The following MFSD11 variants were observed in gnomAD, a reference collection of about 807,000 sequenced individuals.
MFSD11 encodes major facilitator superfamily domain containing 11.
In MFSD11, 36 loss-of-function variants were observed where a neutral mutation model predicts 53.5. That is an observed-to-expected ratio of 0.67 (90% CI 0.52 to 0.89). The LOEUF (loss-of-function observed/expected upper bound fraction) is 0.89, where lower values mean the gene tolerates loss of function less well. MFSD11 is among the 40% of genes least tolerant of loss of function. The probability of loss-of-function intolerance (pLI) is 0.00; values close to 1 mark genes in which losing one functional copy is unlikely to be tolerated. For missense variants in MFSD11, 530 were observed against 543.9 expected, an observed-to-expected ratio of 0.97 and a Z score of 0.25; for synonymous variants, 186 against 184.9, an observed-to-expected ratio of 1.01 and a Z score of -0.05.
At chr17:76,780,214 G>A (rs2082123818), downstream of MFSD11, among the ~76,000 whole-genome samples, 1 of 152,176 alleles carries the variant, frequency 6.6e-6, no homozygotes, top group African/African-American at 2.4e-5. Context: ...AGTAGTCGCT[G>A]CCTGTCAGCA....
chr17:76,749,889 CAAAA>C (rs1187568956), intron 7 of MFSD11, among the ~76,000 whole-genome samples: 2 of 63,822 alleles, frequency 3.1e-5, no homozygotes, highest in Admixed American at 1.9e-4. Context: ...GACTCCTTCT[CAAAA>C]AAAAAAAAAA....
chr17:76,795,891 T>C, the MFSD11 span, among the ~76,000 whole-genome samples: 1 of 150,670 alleles, frequency 6.6e-6, no homozygotes, highest in African/African-American at 2.4e-5. Context: ...GGTCTCGATC[T>C]CCTGACCTCG....
intron 7 of MFSD11, among the ~76,000 whole-genome samples, chr17:76,745,722 A>G (rs201066238): frequency 2.0e-5 from 3 of 152,186 alleles, no homozygotes; most frequent in East Asian, 3.8e-4. Context: ...AGACACAGCA[A>G]TATTGAAATT....
chr17:76,744,198 T>C (rs2078345073), intron 6 of MFSD11, 124 bp from the exon 7 acceptor site: 2 of 863,608 alleles, frequency 2.3e-6, no homozygotes, highest in Non-Finnish European at 3.4e-6. Context: ...AGGTTTTTAC[T>C]GATGCATTAA....
chr17:76,738,929 TC>T lies in MFSD11; in HGVS notation c.97-7del. ...ACATTTTCGTTGATTAGTTTTATCTTCCACACAGCAAACTGTCATCAGGAGC... is the reference window on the plus strand; with the variant it reads ...ACATTTTCGTTGATTAGTTTTATCTTCACACAGCAAACTGTCATCAGGAGC... On this transcript the variant is annotated splice_polypyrimidine_tract_variant and splice_region_variant and intron_variant, in intron 1 of 12. Transcript: ENST00000685175. The T allele has an allele frequency of 6.2e-7, 1 of 1,613,556 alleles. No individual in the cohort carries two copies. The highest frequency in any genetic ancestry group is 8.5e-7 in the Non-Finnish European group (1 of 1,179,472).
chr17:76,788,157 C>A, the MFSD11 span, among the ~76,000 whole-genome samples: 1 of 149,066 alleles, frequency 6.7e-6, no homozygotes. Flanking sequence ...TCTCATGCCT[C>A]AGCCTCCTGT....
At chr17:76,793,786 T>C in the MFSD11 span, among the ~76,000 whole-genome samples, 1 of 151,622 alleles carries the variant, frequency 6.6e-6, no homozygotes, top group South Asian at 2.1e-4. Flanking sequence ...TCACAATCCG[T>C]GTTCTTCTGC....
the MFSD11 span, among the ~76,000 whole-genome samples, chr17:76,788,995 A>G: frequency 2.0e-5 from 3 of 149,550 alleles, no homozygotes; most frequent in African/African-American, 7.4e-5. Context: ...TATAAAAATT[A>G]GCTGGGCATA....
intron 8 of MFSD11, among the ~76,000 whole-genome samples, chr17:76,760,453 C>T (rs1568085898): frequency 6.6e-6 from 1 of 151,552 alleles, no homozygotes; most frequent in Admixed American, 6.6e-5. Flanking sequence ...CAGAAGTGGA[C>T]CCCTGAAGTT....
rs2082049233 is a variant in MFSD11 at position 76,778,642 on chromosome 17, T to C, written c.*290T>C. The stretch of plus-strand genomic sequence containing the variant: ...TAATCATGTTATAGAATGTAAATGT[T>C]TTCTTCTCTCTCCTGCTCTTGTTGG... On this transcript the variant is annotated 3_prime_UTR_variant, in exon 13 of 13. Coordinates refer to ENST00000685175, the MANE Select transcript of MFSD11 (RefSeq NM_001242532.5). 3.2e-6 allele frequency: 1 copy of C among 313,202 alleles called. No homozygotes were observed. The highest frequency in any genetic ancestry group is 5.9e-6 in the Non-Finnish European group (1 of 169,566). 19.4% of individuals were successfully genotyped at this position (313,202 alleles called of 1,614,324 possible).
upstream of MFSD11, chr17:76,737,254 G>A (rs1004653292): frequency 5.6e-6 from 8 of 1,437,704 alleles, no homozygotes; most frequent in African/African-American, 2.9e-5. Flanking sequence ...GTTGCCTTCC[G>A]CGTGGGGACA....
chr17:76,746,643 A>G (rs2078569108), intron 7 of MFSD11, among the ~76,000 whole-genome samples: 1 of 152,188 alleles, frequency 6.6e-6, no homozygotes, highest in African/African-American at 2.4e-5. Context: ...CTTAAGAATC[A>G]TGCTTAATCT....
At chr17:76,745,075 G>C (rs965651111) in intron 7 of MFSD11, among the ~76,000 whole-genome samples, 2 of 152,200 alleles carry the variant, frequency 1.3e-5, no homozygotes, top group African/African-American at 4.8e-5. Flanking sequence ...CACTATTTAA[G>C]CATGACAGGC....
At chr17:76,794,147 T>C in the MFSD11 span, among the ~76,000 whole-genome samples, 2 of 151,382 alleles carry the variant, frequency 1.3e-5, no homozygotes, top group Non-Finnish European at 2.9e-5. Flanking sequence ...TAATTTGCTA[T>C]AGCAGCAGTA....
At chr17:76,795,638 A>G in the MFSD11 span, among the ~76,000 whole-genome samples, 2 of 152,124 alleles carry the variant, frequency 1.3e-5, no homozygotes, top group African/African-American at 4.8e-5. Flanking sequence ...GATGTTGACA[A>G]TCAGTGGAAG....
chr17:76,744,188 A>G lies in MFSD11; in HGVS notation c.497-134A>G. On this transcript the variant is annotated intron_variant, in intron 6 of 12. Transcript: ENST00000685175. ...GGTATCCTATTTGTCTCCTTTTCCT[A>G]GGTTTTTACTGATGCATTAAAGTAA... 3 of 763,728 alleles carry G rather than the reference A, an allele frequency of 3.9e-6. No individual in the cohort carries two copies. The Middle Eastern group carries it at 1.1e-3, about 282-fold the overall frequency. The allele number at this position is 763,728 out of a possible 1,614,324, so 47.3% of individuals were successfully genotyped here. A position where few individuals can be genotyped will look rare whatever the true frequency, so the allele number is the denominator to read the frequency against.
At chr17:76,769,694 A>G in intron 9 of MFSD11, 52 bp from the exon 10 acceptor site, 1 of 1,475,314 alleles carries the variant, frequency 6.8e-7, no homozygotes. Flanking sequence ...ATGGGAAGAT[A>G]AACAAAAATG....
chr17:76,750,034 T>A (rs1275039147), intron 7 of MFSD11, among the ~76,000 whole-genome samples: 1 of 152,180 alleles, frequency 6.6e-6, no homozygotes, highest in Non-Finnish European at 1.5e-5. Flanking sequence ...GTGTGGCTTT[T>A]ACCTGGAGTG....
the MFSD11 span, among the ~76,000 whole-genome samples, chr17:76,791,268 C>T: frequency 6.7e-6 from 1 of 149,058 alleles, no homozygotes; most frequent in African/African-American, 2.5e-5. Flanking sequence ...AAGTCTAGTC[C>T]AGAGGAGGCT....
Sources: gnomAD v4.1 joint callset for allele counts (sites outside exome capture counted in the v4.1 genomes callset) on GRCh38, gnomAD v4.1.1 for gene constraint, MANE v1.5 for transcripts, NCBI Gene and HGNC (gene_info 2026-07-23, HGNC 2026-07-21) for gene names.